SETBP1: variants seen among roughly 807,000 people sequenced by gnomAD.
SETBP1 encodes the protein SET binding protein 1.
SETBP1 carries 9 observed loss-of-function variants against 101.0 expected under a neutral mutation model. The observed-to-expected ratio is 0.09, with a 90% CI of 0.05 to 0.16. The LOEUF is 0.16. Ranked by LOEUF, SETBP1 falls within the 10% of genes least tolerant of loss-of-function variation. The pLI, the probability that SETBP1 is intolerant of heterozygous loss-of-function variation, is 1.00. For missense variants in SETBP1, 1,858 were observed against 2,033.8 expected (o/e 0.91, Z 1.66); for synonymous variants, 818 against 788.5 (o/e 1.04, Z -0.63).
intron 2 of SETBP1, among the ~76,000 whole-genome samples, chr18:44,782,181 G>C (rs1367900052): frequency 6.6e-6 from 1 of 152,164 alleles, no homozygotes; most frequent in African/African-American, 2.4e-5. Flanking sequence ...CCACTATAAA[G>C]AGAGATTTGT....
intron 1 of SETBP1, among the ~76,000 whole-genome samples, chr18:44,695,653 G>C (rs1441551039): frequency 1.3e-5 from 2 of 152,178 alleles, no homozygotes; most frequent in Non-Finnish European, 2.9e-5. Context: ...AGGATGAAGA[G>C]CTTGGGGAAG....
intron 1 of SETBP1, chr18:44,697,335 A>G (rs2069036944): frequency 6.6e-6 from 1 of 152,280 alleles, no homozygotes; most frequent in South Asian, 2.1e-4. Context: ...GATGAAGTAA[A>G]CAGACAGGTT....
At chr18:44,926,398 A>AT (rs1283059319) in intron 3 of SETBP1, among the ~76,000 whole-genome samples, 2 of 152,112 alleles carry the variant, frequency 1.3e-5, no homozygotes, top group Non-Finnish European at 2.9e-5. Context: ...TCCCTGCATG[A>AT]TTTTGTCTGA....
At chr18:45,047,335 A>G (rs1018555981) in intron 5 of SETBP1, among the ~76,000 whole-genome samples, 3 of 152,210 alleles carry the variant, frequency 2.0e-5, no homozygotes, top group South Asian at 2.1e-4. Flanking sequence ...AATGGGAGAG[A>G]ATGAAAGGAG....
intron 2 of SETBP1, among the ~76,000 whole-genome samples, chr18:44,822,280 TTCA>T (rs2072128944): frequency 6.6e-6 from 1 of 152,240 alleles, no homozygotes; most frequent in African/African-American, 2.4e-5. Context: ...CCCTAAGTCC[TTCA>T]TCATCAGCAG....
chr18:44,734,628 C>T (rs557474927), intron 2 of SETBP1, among the ~76,000 whole-genome samples: 1 of 152,200 alleles, frequency 6.6e-6, no homozygotes, highest in East Asian at 1.9e-4. Context: ...CCTCTCTCTC[C>T]CTATCTAGTC....
chr18:44,696,588 G>A (rs2069021713), intron 1 of SETBP1, among the ~76,000 whole-genome samples: 1 of 152,226 alleles, frequency 6.6e-6, no homozygotes, highest in Non-Finnish European at 1.5e-5. Flanking sequence ...GTCACATCTA[G>A]CCAAGCAGGA....
intron 2 of SETBP1, among the ~76,000 whole-genome samples, chr18:44,843,891 A>T (rs2072671566): frequency 6.6e-6 from 1 of 152,170 alleles, no homozygotes; most frequent in Admixed American, 6.5e-5. Flanking sequence ...TCTTTATCAG[A>T]GTGTCCTCCC....
rs61234794 is a variant in SETBP1 at position 44,926,761 on chromosome 18, CA to C, written c.541-23117del. 5.2e-3 allele frequency among the ~76,000 whole-genome samples: 471 copies of C among 91,124 alleles called. 11 individuals carry two copies. In the East Asian group the frequency reaches 0.15, roughly 28 times the overall value. 59.8% of individuals were successfully genotyped at this position (91,124 alleles called of 152,430 possible). A position where few individuals can be genotyped will look rare whatever the true frequency, so the allele number is the denominator to read the frequency against. On this transcript the variant is annotated intron_variant, in intron 3 of 5. Transcript: ENST00000649279. ...ACTGATTTAAAAACAAACAAACAAA[CA>C]AACAACAACAACAACAACAACAACA...
intron 4 of SETBP1, among the ~76,000 whole-genome samples, chr18:44,972,004 T>C (rs2071873151): frequency 6.6e-6 from 1 of 152,188 alleles, no homozygotes; most frequent in Admixed American, 6.5e-5. Context: ...GTTTTTATGG[T>C]TTTAGGTCTA....
At chr18:44,705,177 G>C (rs1233270044) in intron 2 of SETBP1, among the ~76,000 whole-genome samples, 1 of 152,132 alleles carries the variant, frequency 6.6e-6, no homozygotes, top group African/African-American at 2.4e-5. Context: ...TTAAAAGGTT[G>C]GGAAAACATC....
At chr18:44,690,793 A>C (rs1407538780) in intron 1 of SETBP1, among the ~76,000 whole-genome samples, 1 of 152,200 alleles carries the variant, frequency 6.6e-6, no homozygotes, top group Non-Finnish European at 1.5e-5. Context: ...AACGTAAATA[A>C]ACTTAGAGAA....
At chr18:44,912,911 C>T (rs1176054246) in intron 3 of SETBP1, among the ~76,000 whole-genome samples, 3 of 152,100 alleles carry the variant, frequency 2.0e-5, no homozygotes, top group South Asian at 2.1e-4. Context: ...GTGCCTGTGT[C>T]GTCCCGGTGC....
Position 45,064,065 on chromosome 18 carries a change from A to G in SETBP1, c.*367A>G, listed in dbSNP as rs1250056794. On this transcript the variant is annotated 3_prime_UTR_variant, in exon 6 of 6. Transcript: ENST00000649279. ...CTCCCGATTTCATTTGCTGGCCAGG[A>G]AAATCGAAAGGGAAACACCCTCAAT... 2 of 193,770 alleles carry G rather than the reference A, an allele frequency of 1.0e-5. No homozygotes were observed. The highest frequency in any genetic ancestry group is 1.2e-4 in the Admixed American group (2 of 17,178). 12.0% of individuals were successfully genotyped at this position (193,770 alleles called of 1,614,324 possible).
rs755798630 is a variant in SETBP1 at position 45,063,062 on chromosome 18, C to T, written c.4172-17C>T. On this transcript the variant is annotated splice_polypyrimidine_tract_variant and intron_variant, in intron 5 of 5. Transcript: ENST00000649279. Reference sequence around the variant, plus strand: ...TTGCATCCTGTGCTCAATTTCTTATCTCTTCCCCTCCCGCAGTCGGCTCCT... The same window carrying T: ...TTGCATCCTGTGCTCAATTTCTTATTTCTTCCCCTCCCGCAGTCGGCTCCT... The T allele has an allele frequency of 7.4e-6, 12 of 1,613,544 alleles. No individual in the cohort carries two copies. The African/African-American group carries it at 1.5e-4, about 20-fold the overall frequency.
At chr18:44,770,617 CA>C (rs1215991827) in intron 2 of SETBP1, among the ~76,000 whole-genome samples, 3 of 152,100 alleles carry the variant, frequency 2.0e-5, no homozygotes, top group Non-Finnish European at 4.4e-5. Context: ...CTTGCCAGAG[CA>C]AAACATTTTT....
At chr18:44,903,330 T>C (rs2070097557) in intron 3 of SETBP1, among the ~76,000 whole-genome samples, 1 of 152,214 alleles carries the variant, frequency 6.6e-6, no homozygotes, top group Non-Finnish European at 1.5e-5. Flanking sequence ...TTCAGGGCAT[T>C]TGTCTTCCTT....
chr18:44,901,690 G>T (rs1199825201), intron 3 of SETBP1, among the ~76,000 whole-genome samples: 1 of 152,156 alleles, frequency 6.6e-6, no homozygotes, highest in Non-Finnish European at 1.5e-5. Context: ...ATTACAGCCA[G>T]ACATTATACA....
At chr18:44,976,464 G>C (rs1232737403) in intron 4 of SETBP1, among the ~76,000 whole-genome samples, 2 of 152,208 alleles carry the variant, frequency 1.3e-5, no homozygotes, top group Non-Finnish European at 2.9e-5. Flanking sequence ...AGGCTGCTGG[G>C]AAGTAAACTG....
Sources: allele counts gnomAD v4.1 joint callset (sites outside exome capture counted in the v4.1 genomes callset), GRCh38; gene constraint gnomAD v4.1.1; transcripts MANE v1.5; gene names NCBI Gene and HGNC (gene_info 2026-07-23, HGNC 2026-07-21).